Variants in ANKRD29 observed in about 807,000 individuals in gnomAD.
The protein encoded by ANKRD29 is ankyrin repeat domain-containing protein 29.
A neutral mutation model predicts 38.0 loss-of-function variants in ANKRD29; 32 were observed. That is an observed-to-expected ratio of 0.84 (90% CI 0.64 to 1.13). The LOEUF (loss-of-function observed/expected upper bound fraction) is 1.13. Among genes scored for constraint, ANKRD29 ranks in the 50% most tolerant of loss-of-function variants. The probability of loss-of-function intolerance (pLI) is 0.00; values close to 1 mark genes in which losing one functional copy is unlikely to be tolerated. For missense variants in ANKRD29, 357 were observed against 377.9 expected (o/e 0.94, Z 0.46); for synonymous variants, 135 against 152.4 (o/e 0.89, Z 0.84).
chr18:23,659,828 C>T (rs988627388), intron 1 of ANKRD29, among the ~76,000 whole-genome samples: 7 of 151,686 alleles, frequency 4.6e-5, no homozygotes, highest in Admixed American at 3.3e-4. Flanking sequence ...ATGACTGCAT[C>T]GGCCAGGCGC....
chr18:23,654,289 A>AATAC (rs1417985619), intron 1 of ANKRD29, among the ~76,000 whole-genome samples: 1 of 145,436 alleles, frequency 6.9e-6, no homozygotes, highest in East Asian at 2.0e-4. Flanking sequence ...AAAATAAATA[A>AATAC]ATAAATAAAT....
At chr18:23,659,070 C>G (rs57643415) in intron 1 of ANKRD29, among the ~76,000 whole-genome samples, 9,299 of 152,262 alleles carry the variant, frequency 0.061, 982 homozygotes, top group African/African-American at 0.21. Context: ...CAACCTCTGT[C>G]TCTAGGGTTC....
At position 23,612,206 on chromosome 18, in the gene ANKRD29, A is replaced by G; in HGVS notation, c.724-16T>C. 6.2e-7 allele frequency: 1 copy of G among 1,609,052 alleles called. No individual in the cohort carries two copies. The highest frequency in any genetic ancestry group is 2.2e-5 in the East Asian group (1 of 44,846). ...ATGTCCCATTCTAAGAGAAAATGAC[A>G]GTGTGTGTCAGGAGTGAGCTCACAG... On this transcript the variant is annotated splice_polypyrimidine_tract_variant and intron_variant, in intron 8 of 9. Coordinates refer to ENST00000592179, the MANE Select transcript of ANKRD29 (RefSeq NM_173505.4).
rs200304954 is a variant in ANKRD29 at position 23,634,186 on chromosome 18, C to T, written c.331-37G>A. On this transcript the variant is annotated intron_variant, in intron 4 of 9. Coordinates refer to ENST00000592179, the MANE Select transcript of ANKRD29 (RefSeq NM_173505.4). ...CAAAGTATAAACACATTAGAGGTGG[C>T]GCAGGCACATAATTCACCAGCAGAT... The T allele has an allele frequency of 4.7e-4, 721 of 1,545,502 alleles. 4 individuals are homozygous for T. The Middle Eastern group carries it at 0.014, about 30-fold the overall frequency.
At chr18:23,631,268 C>T (rs1265390407) in intron 5 of ANKRD29, among the ~76,000 whole-genome samples, 2 of 149,264 alleles carry the variant, frequency 1.3e-5, no homozygotes, top group Non-Finnish European at 1.5e-5. Context: ...GAGACAGGGT[C>T]TCCCTCTGTC....
chr18:23,633,729 C>G (rs1388490887), intron 5 of ANKRD29, among the ~76,000 whole-genome samples: 5 of 152,062 alleles, frequency 3.3e-5, no homozygotes, highest in Non-Finnish European at 7.3e-5. Context: ...CGCTACCATC[C>G]CCGGCTAAGT....
rs925472445 is a variant in ANKRD29, at chr18:23,600,994, T to C, written c.*232A>G. 7.8e-6 allele frequency: 3 copies of C among 382,966 alleles called. No individual in the cohort carries two copies. Among genetic ancestry groups the C allele is most frequent in the African/African-American group, 6.1e-5 (3 of 48,862 alleles). The allele number at this position is 382,966 out of a possible 1,614,324, so 23.7% of individuals were successfully genotyped here. A position where few individuals can be genotyped will look rare whatever the true frequency, so the allele number is the denominator to read the frequency against. On this transcript the variant is annotated 3_prime_UTR_variant, in exon 10 of 10. Coordinates refer to ENST00000592179, the MANE Select transcript of ANKRD29 (RefSeq NM_173505.4). ...TGAACATGCCAGGCCCCCCGGGAGA[T>C]GAGTTACAGGACACCATGAGAAGTC...
chr18:23,635,075 A>G (rs532978612), intron 4 of ANKRD29, among the ~76,000 whole-genome samples: 24 of 152,250 alleles, frequency 1.6e-4, no homozygotes, highest in African/African-American at 5.1e-4. Context: ...GGGCTCTTTA[A>G]AAGTGTGGCC....
chr18:23,628,523 G>A (rs745818834), intron 6 of ANKRD29, among the ~76,000 whole-genome samples: 1 of 152,058 alleles, frequency 6.6e-6, no homozygotes, highest in African/African-American at 2.4e-5. Context: ...TCCTTAATTC[G>A]AAATGTTTTG....
rs565328209 is a variant in ANKRD29, at chr18:23,631,438, G to T, written c.430-1487C>A. Among the ~76,000 whole-genome samples the T allele has an allele frequency of 2.7e-5, 4 of 148,966 alleles. No homozygotes were observed. The East Asian group carries it at 6.2e-4, about 23-fold the overall frequency. On this transcript the variant is annotated intron_variant, in intron 5 of 9. Transcript: ENST00000592179. ...TAAAAAAATTTATAGTAGAGACAGG[G>T]TCTTGCTATGTTGCCCAGGCTGGTC...
chr18:23,643,156 C>G (rs1409784270), intron 3 of ANKRD29, among the ~76,000 whole-genome samples: 1 of 152,160 alleles, frequency 6.6e-6, no homozygotes, highest in East Asian at 1.9e-4. Flanking sequence ...TAACACCTTC[C>G]TAGTCAGATA....
chr18:23,658,616 A>G (rs1267456906), intron 1 of ANKRD29, among the ~76,000 whole-genome samples: 1 of 152,216 alleles, frequency 6.6e-6, no homozygotes, highest in African/African-American at 2.4e-5. Context: ...CGCAAGACAG[A>G]CATGCCAGGA....
At chr18:23,611,115 C>T (rs1302959736) in intron 9 of ANKRD29, among the ~76,000 whole-genome samples, 1 of 152,238 alleles carries the variant, frequency 6.6e-6, no homozygotes, top group African/African-American at 2.4e-5. Context: ...TACCCACCCA[C>T]CGCGAAGTTT....
intron 9 of ANKRD29, among the ~76,000 whole-genome samples, chr18:23,602,645 C>T (rs772284680): frequency 2.0e-5 from 3 of 152,008 alleles, no homozygotes; most frequent in Non-Finnish European, 2.9e-5. Flanking sequence ...GAGGGCTATG[C>T]GCAGTGGCTC....
chr18:23,608,883 G>A (rs956726897), intron 9 of ANKRD29, among the ~76,000 whole-genome samples: 1 of 152,152 alleles, frequency 6.6e-6, no homozygotes, highest in Non-Finnish European at 1.5e-5. Context: ...TGTAATCCCA[G>A]CACTTTGGGA....
chr18:23,615,428 A>AT (rs375410494), intron 8 of ANKRD29, among the ~76,000 whole-genome samples: 22 of 150,754 alleles, frequency 1.5e-4, no homozygotes, highest in East Asian at 1.9e-4. Flanking sequence ...AGGAATTAAG[A>AT]TTTTTTTTTT....
chr18:23,650,091 C>T (rs2060191864), intron 1 of ANKRD29, among the ~76,000 whole-genome samples: 1 of 151,866 alleles, frequency 6.6e-6, no homozygotes, highest in Non-Finnish European at 1.5e-5. Context: ...GAACAAGGAA[C>T]TTAGGGCAAA....
At chr18:23,638,036 C>T (rs56940853) in intron 4 of ANKRD29, among the ~76,000 whole-genome samples, 4,713 of 117,484 alleles carry the variant, frequency 0.04, 269 homozygotes, top group African/African-American at 0.14. Context: ...CTCACTCTGT[C>T]GCCCAGGCTG....
At chr18:23,640,272 A>G (rs2060057218) in intron 3 of ANKRD29, among the ~76,000 whole-genome samples, 1 of 152,170 alleles carries the variant, frequency 6.6e-6, no homozygotes, top group Non-Finnish European at 1.5e-5. Flanking sequence ...GCAGTGCGGC[A>G]CAGCCCACAC....
Sources: gnomAD v4.1 joint callset for allele counts (sites outside exome capture counted in the v4.1 genomes callset) on GRCh38, gnomAD v4.1.1 for gene constraint, MANE v1.5 for transcripts, NCBI Gene and HGNC (gene_info 2026-07-23, HGNC 2026-07-21) for gene names.